PIBF1: variants seen among roughly 807,000 people sequenced by gnomAD.
The protein encoded by PIBF1 is progesterone-induced-blocking factor 1.
Under a neutral mutation model 112.5 loss-of-function variants are expected in PIBF1, and 90 were observed. The observed-to-expected ratio is 0.80, with a 90% confidence interval of 0.67 to 0.95. PIBF1 has a LOEUF of 0.95. Ranked by LOEUF, PIBF1 falls within the 40% of genes least tolerant of loss-of-function variation. PIBF1 has a pLI of 0.00. For missense variants in PIBF1, 915 were observed against 852.3 expected (o/e 1.07, Z -0.92); for synonymous variants, 301 against 288.6 (o/e 1.04, Z -0.44).
chr13:72,912,175 C>T (rs981813127), intron 12 of PIBF1, among the ~76,000 whole-genome samples: 1 of 152,154 alleles, frequency 6.6e-6, no homozygotes, highest in African/African-American at 2.4e-5. Flanking sequence ...GCATTGACTT[C>T]AGGTCAGTGA....
chr13:72,843,325 T>C (rs1416425684), intron 9 of PIBF1, among the ~76,000 whole-genome samples: 1 of 152,190 alleles, frequency 6.6e-6, no homozygotes, highest in African/African-American at 2.4e-5. Flanking sequence ...ATCTGGTGAT[T>C]GACAGGAAGT....
At chr13:72,927,976 T>TATATATATATATATATACAC (rs2041557935) in intron 13 of PIBF1, among the ~76,000 whole-genome samples, 1 of 81,100 alleles carries the variant, frequency 1.2e-5, no homozygotes, top group African/African-American at 4.0e-5. Context: ...TATATATATA[T>TATATATATATATATATACAC]ACATATATAT....
At chr13:72,819,331 C>T (rs913472250) in intron 5 of PIBF1, among the ~76,000 whole-genome samples, 1 of 149,080 alleles carries the variant, frequency 6.7e-6, no homozygotes, top group Non-Finnish European at 1.5e-5. Flanking sequence ...CTGTGGATCC[C>T]ATCTCCTAAA....
intron 5 of PIBF1, among the ~76,000 whole-genome samples, chr13:72,813,608 A>G (rs2036125565): frequency 6.6e-6 from 1 of 152,216 alleles, no homozygotes; most frequent in Non-Finnish European, 1.5e-5. Flanking sequence ...TCATGTGATT[A>G]GTTTAGGCAT....
rs528897760 is a variant in PIBF1 at position 72,799,586 on chromosome 13, G to C, written c.672+1560G>C. Among the ~76,000 whole-genome samples, 3 of 152,274 alleles carry C rather than the reference G, an allele frequency of 2.0e-5. No individual in the cohort carries two copies. In the South Asian group the frequency reaches 6.2e-4, roughly 32 times the overall value. On this transcript the variant is annotated intron_variant, in intron 5 of 17. Transcript: ENST00000326291. ...GTTCAATTAAAAAAAAAATTCAACT[G>C]TAGTCAAAATAGTAGAGAACAGAGA...
chr13:72,963,767 G>T (rs984104779), intron 14 of PIBF1, among the ~76,000 whole-genome samples: 1 of 151,932 alleles, frequency 6.6e-6, no homozygotes, highest in African/African-American at 2.4e-5. Context: ...TAAAATACAA[G>T]CAAAAGACTT....
chr13:72,922,879 A>G (rs2041346074), intron 13 of PIBF1, among the ~76,000 whole-genome samples: 1 of 152,200 alleles, frequency 6.6e-6, no homozygotes, highest in Non-Finnish European at 1.5e-5. Context: ...AGAAGAAACT[A>G]GCGACAGTCT....
chr13:72,845,463 TTTTTATAGTAGAGTGATTTATATTCC>T (rs1394442733), intron 9 of PIBF1, among the ~76,000 whole-genome samples: 2 of 152,214 alleles, frequency 1.3e-5, no homozygotes, highest in Non-Finnish European at 2.9e-5. Flanking sequence ...TCCATGTGTC[TTTTTATAGTAGAGTGATTTATATTCC>T]TTTTATAGTA....
rs138025224 is a variant in PIBF1, at chr13:72,784,394, C to T, written c.252+673C>T. 6.4e-3 allele frequency among the ~76,000 whole-genome samples: 973 copies of T among 151,916 alleles called. 13 individuals carry two copies. The highest frequency in any genetic ancestry group is 0.022 in the African/African-American group (902 of 41,420). Reference sequence around the variant, plus strand: ...CCAGGAGGCAGAGTTTGCAGTGAGCCACAATCGTGCCACTGCACTCCAGCC... The same window carrying T: ...CCAGGAGGCAGAGTTTGCAGTGAGCTACAATCGTGCCACTGCACTCCAGCC... On this transcript the variant is annotated intron_variant, in intron 2 of 17. Coordinates refer to ENST00000326291, the MANE Select transcript of PIBF1 (RefSeq NM_006346.4).
At chr13:72,957,793 A>G (rs1473195591) in intron 14 of PIBF1, among the ~76,000 whole-genome samples, 2 of 151,944 alleles carry the variant, frequency 1.3e-5, no homozygotes, top group African/African-American at 4.8e-5. Flanking sequence ...AAAAAAAACT[A>G]CAAAACTTAG....
chr13:73,012,590 A>C (rs1027393137), intron 17 of PIBF1, among the ~76,000 whole-genome samples: 32 of 151,620 alleles, frequency 2.1e-4, no homozygotes, highest in African/African-American at 7.5e-4. Context: ...AAAACAAAAA[A>C]AAACAAAAAA....
chr13:72,965,320 G>A lies in PIBF1; in HGVS notation c.1880G>A (p.Arg627Lys), dbSNP rs764206560. The change falls in exon 15 of 18, where the codon AGG (arginine) becomes AAG (lysine). Residue 627 changes from arginine (R) to lysine (K), a missense_variant. Arg to Lys is a conservative substitution (Grantham distance 26, BLOSUM62 2). Coordinates refer to ENST00000326291, the MANE Select transcript of PIBF1 (RefSeq NM_006346.4). ...TTAAACCAGACTCAACAGCCTTACA[G>A]GTATCTCATTGAATCAGTGCGTCAG... ...SLLNQTQQPY[R>K]YLIESVRQRD... 31 of 1,610,932 alleles carry A rather than the reference G, an allele frequency of 1.9e-5. No individual in the cohort carries two copies. Among genetic ancestry groups the A allele is most frequent in the African/African-American group, 2.7e-5 (2 of 74,844 alleles).
intron 14 of PIBF1, among the ~76,000 whole-genome samples, chr13:72,944,446 TA>T (rs34333031): frequency 6.4e-5 from 9 of 141,640 alleles, no homozygotes; most frequent in Admixed American, 7.1e-5. Flanking sequence ...CAAGACTGTC[TA>T]AAAAAAAAAA....
At chr13:72,901,609 C>G (rs184989738) in intron 11 of PIBF1, among the ~76,000 whole-genome samples, 1 of 151,880 alleles carries the variant, frequency 6.6e-6, no homozygotes, top group Non-Finnish European at 1.5e-5. Context: ...CACTGGAACC[C>G]GGGAAGAAGA....
At chr13:72,872,868 G>A (rs2039224017) in intron 10 of PIBF1, among the ~76,000 whole-genome samples, 1 of 151,774 alleles carries the variant, frequency 6.6e-6, no homozygotes, top group African/African-American at 2.4e-5. Context: ...AAATACTTAG[G>A]GATAAAATTA....
intron 2 of PIBF1, among the ~76,000 whole-genome samples, chr13:72,785,676 A>G (rs972956623): frequency 2.6e-4 from 39 of 152,208 alleles, no homozygotes; most frequent in African/African-American, 8.4e-4. Context: ...CTCTTTTTGC[A>G]TTTCACATGA....
intron 12 of PIBF1, 128 bp downstream of exon 12, chr13:72,908,809 G>T: frequency 1.3e-6 from 1 of 749,896 alleles, no homozygotes. Flanking sequence ...AGCACTTTGG[G>T]CGGCCAAGGT....
At chr13:72,809,589 G>GTTTTTTTTTTTT (rs34696804) in intron 5 of PIBF1, among the ~76,000 whole-genome samples, 2 of 100,912 alleles carry the variant, frequency 2.0e-5, no homozygotes, top group Non-Finnish European at 2.2e-5. Flanking sequence ...TTTTTTTTTG[G>GTTTTTTTTTTTT]TTTTTTTTTT....
chr13:72,959,010 G>A (rs2042533762), intron 14 of PIBF1, among the ~76,000 whole-genome samples: 1 of 151,970 alleles, frequency 6.6e-6, no homozygotes, highest in African/African-American at 2.4e-5. Context: ...GTTTTTCTGG[G>A]TTTTTTGAGA....
Sources: allele counts gnomAD v4.1 joint callset (sites outside exome capture counted in the v4.1 genomes callset), GRCh38; gene constraint gnomAD v4.1.1; transcripts MANE v1.5; gene names NCBI Gene and HGNC (gene_info 2026-07-23, HGNC 2026-07-21).